MAP3K5: variants seen among roughly 807,000 people sequenced by gnomAD.
MAP3K5 encodes the protein ASK-1.
In MAP3K5, 56 loss-of-function variants were observed where a neutral mutation model predicts 158.7. The ratio of observed to expected loss-of-function variants is 0.35; its 90% CI spans 0.28 to 0.44. MAP3K5 has a LOEUF of 0.44. Among genes scored for constraint, MAP3K5 ranks in the 20% least tolerant of loss-of-function variants. The pLI is 1.00. For synonymous variants in MAP3K5, 579 were observed against 601.7 expected (o/e 0.96, Z 0.55); for missense variants, 1,294 against 1,674.8 (o/e 0.77, Z 3.97).
intron 8 of MAP3K5, among the ~76,000 whole-genome samples, chr6:136,660,822 T>C (rs143420625): frequency 6.2e-4 from 94 of 152,324 alleles, no homozygotes; most frequent in African/African-American, 2.1e-3. Flanking sequence ...GTACTACTTA[T>C]TAAAGGTCCC....
intron 20 of MAP3K5, 96 bp downstream of exon 20, chr6:136,601,706 C>T: frequency 9.4e-7 from 1 of 1,064,668 alleles, no homozygotes; most frequent in Non-Finnish European, 1.4e-6. Flanking sequence ...CCAGTGATAT[C>T]TGTAAACAGG....
At chr6:136,659,655 T>C (rs1778917248) in intron 8 of MAP3K5, among the ~76,000 whole-genome samples, 1 of 152,110 alleles carries the variant, frequency 6.6e-6, no homozygotes, top group Admixed American at 6.6e-5. Context: ...TTACAAGAGG[T>C]ACCTGTAACA....
rs564112904 is a variant in MAP3K5, at chr6:136,621,846, G to A, written c.2150+1002C>T. The stretch of plus-strand genomic sequence containing the variant: ...TCACGCCTGTAATCCCAGCACTTTG[G>A]GAGGCCGAGGCGGGCGGATCACGAG... On this transcript the variant is annotated intron_variant, in intron 15 of 29. Coordinates refer to ENST00000359015, the MANE Select transcript of MAP3K5 (RefSeq NM_005923.4). Among the ~76,000 whole-genome samples, 3 of 152,320 alleles carry A rather than the reference G, an allele frequency of 2.0e-5. No individual in the cohort carries two copies. The East Asian group carries it at 5.8e-4, about 29-fold the overall frequency.
intron 3 of MAP3K5, among the ~76,000 whole-genome samples, chr6:136,702,061 C>A (rs1780875575): frequency 6.6e-6 from 1 of 152,172 alleles, no homozygotes; most frequent in South Asian, 2.1e-4. Flanking sequence ...CTGAAACAAA[C>A]CCCATGGTAT....
chr6:136,643,776 A>C (rs1347500716), intron 11 of MAP3K5, among the ~76,000 whole-genome samples: 5 of 152,192 alleles, frequency 3.3e-5, no homozygotes, highest in Admixed American at 3.3e-4. Context: ...AGATACCATA[A>C]AAAGGTATGT....
Position 136,622,807 on chromosome 6 carries a change from A to T in MAP3K5, c.2150+41T>A, listed in dbSNP as rs777359047. 5.0e-6 allele frequency: 8 copies of T among 1,597,380 alleles called. No homozygotes were observed. In the East Asian group the frequency reaches 1.8e-4, roughly 36 times the overall value. On this transcript the variant is annotated intron_variant, in intron 15 of 29. Transcript: ENST00000359015. The stretch of plus-strand genomic sequence containing the variant: ...TTTCTAAAATACTGTCAACAACCCA[A>T]AGTACTACAGAACAGCTTTTAGTAG...
intron 10 of MAP3K5, among the ~76,000 whole-genome samples, chr6:136,654,694 C>G (rs1778667533): frequency 6.6e-6 from 1 of 152,162 alleles, no homozygotes; most frequent in African/African-American, 2.4e-5. Flanking sequence ...GATCCGCCCA[C>G]CTCGGTCTCC....
At chr6:136,557,940 C>G in intron 29 of MAP3K5, 122 bp from the exon 30 acceptor site, 1 of 725,524 alleles carries the variant, frequency 1.4e-6, no homozygotes, top group Non-Finnish European at 2.5e-6. Context: ...AAAGTCTGAT[C>G]AGTTATTATG....
chr6:136,696,180 C>G, intron 5 of MAP3K5, 123 bp from the exon 6 acceptor site: 1 of 582,128 alleles, frequency 1.7e-6, no homozygotes, highest in Non-Finnish European at 3.0e-6. Context: ...CTAGAATCCA[C>G]AGAACACTTT....
chr6:136,754,268 A>AT (rs996571994), intron 1 of MAP3K5, among the ~76,000 whole-genome samples: 1 of 144,162 alleles, frequency 6.9e-6, no homozygotes, highest in African/African-American at 2.6e-5. Flanking sequence ...GCAAGACTCG[A>AT]TAAAAAAAAA....
At chr6:136,759,453 A>ATT (rs1562681173) in intron 1 of MAP3K5, among the ~76,000 whole-genome samples, 7 of 55,230 alleles carry the variant, frequency 1.3e-4, no homozygotes, top group African/African-American at 5.4e-4. Context: ...TTATACTAAA[A>ATT]CTATATATAT....
intron 1 of MAP3K5, among the ~76,000 whole-genome samples, chr6:136,769,738 G>GGGAA (rs1209835950): frequency 0.014 from 717 of 52,256 alleles, 67 homozygotes; most frequent in Non-Finnish European, 0.018. Context: ...AAGGGAGGAA[G>GGGAA]GGAAGGAAGG....
Position 136,679,160 on chromosome 6 carries a change from T to C in MAP3K5, c.1254-9765A>G, listed in dbSNP as rs528950146. On this transcript the variant is annotated intron_variant, in intron 7 of 29. Transcript: ENST00000359015. Reference sequence around the variant, plus strand: ...GATTAGTACTGTATTTGTCACCTGATTGCAAACTAGCTTAAAAGCAGTTAA... The same window carrying C: ...GATTAGTACTGTATTTGTCACCTGACTGCAAACTAGCTTAAAAGCAGTTAA... 2.0e-5 allele frequency among the ~76,000 whole-genome samples: 3 copies of C among 152,370 alleles called. No individual in the cohort carries two copies. The South Asian group carries it at 6.2e-4, about 32-fold the overall frequency.
At chr6:136,652,898 G>T (rs544485752) in intron 10 of MAP3K5, among the ~76,000 whole-genome samples, 1 of 152,306 alleles carries the variant, frequency 6.6e-6, no homozygotes, top group South Asian at 2.1e-4. Flanking sequence ...GTCACAGAAA[G>T]GCTGGGAAAC....
At chr6:136,664,122 C>T (rs1779126898) in intron 8 of MAP3K5, among the ~76,000 whole-genome samples, 1 of 152,130 alleles carries the variant, frequency 6.6e-6, no homozygotes, top group South Asian at 2.1e-4. Context: ...CAGCCATTCC[C>T]CATTGCTCTT....
chr6:136,580,241 G>T, intron 25 of MAP3K5, 60 bp downstream of exon 25: 1 of 1,106,960 alleles, frequency 9.0e-7, no homozygotes. Flanking sequence ...AATAACAGAT[G>T]AACAGTAATC....
chr6:136,668,745 C>T (rs969374687), intron 8 of MAP3K5, among the ~76,000 whole-genome samples: 1 of 152,090 alleles, frequency 6.6e-6, no homozygotes, highest in Non-Finnish European at 1.5e-5. Context: ...CACATTCTGT[C>T]GATGGCTATG....
intron 19 of MAP3K5, among the ~76,000 whole-genome samples, chr6:136,603,908 A>G (rs1264635147): frequency 1.3e-5 from 2 of 152,222 alleles, no homozygotes; most frequent in Non-Finnish European, 2.9e-5. Context: ...CATAAAGCCA[A>G]GCTTTGCACA....
chr6:136,623,081 G>C, intron 14 of MAP3K5, 100 bp from the exon 15 acceptor site: 1 of 1,110,786 alleles, frequency 9.0e-7, no homozygotes, highest in Non-Finnish European at 1.3e-6. Context: ...TATCTTATCA[G>C]ATGGCATTAA....
Sources: allele counts gnomAD v4.1 joint callset (sites outside exome capture counted in the v4.1 genomes callset), GRCh38; gene constraint gnomAD v4.1.1; transcripts MANE v1.5; gene names NCBI Gene and HGNC (gene_info 2026-07-23, HGNC 2026-07-21).